Variants in LRRC28 observed in about 807,000 individuals in gnomAD.
LRRC28 encodes leucine-rich repeat-containing protein 28.
LRRC28 carries 39 observed loss-of-function variants against 45.7 expected under a neutral mutation model. That is an observed-to-expected ratio of 0.85 (90% CI 0.66 to 1.12). The LOEUF is 1.12. Ranked by LOEUF, LRRC28 falls within the 50% of genes most tolerant of loss-of-function variation. LRRC28 has a pLI of 0.00. For synonymous variants in LRRC28, 206 were observed against 178.8 expected (o/e 1.15, Z -1.22); for missense variants, 435 against 438.5 (o/e 0.99, Z 0.07).
intron 9 of LRRC28, among the ~76,000 whole-genome samples, chr15:99,378,881 G>C (rs1003027847): frequency 6.6e-6 from 1 of 152,132 alleles, no homozygotes; most frequent in Admixed American, 6.6e-5. Flanking sequence ...TGCATCCCAG[G>C]GATGAAGCCC....
At chr15:99,344,883 G>A (rs1956630333) in intron 6 of LRRC28, among the ~76,000 whole-genome samples, 1 of 152,152 alleles carries the variant, frequency 6.6e-6, no homozygotes, top group African/African-American at 2.4e-5. Context: ...AGAGGCCGCT[G>A]CCTCCAACTC....
rs188072143 is a variant in LRRC28, at chr15:99,374,168, C to G, written c.1031+10903C>G. On this transcript the variant is annotated intron_variant, in intron 9 of 9. Coordinates refer to ENST00000301981, the MANE Select transcript of LRRC28 (RefSeq NM_144598.5). ...GAGATTTTCATAAGAATTGCTTTAACTTTATAGATTAATTTGGAAACGGTT... is the reference window on the plus strand; with the variant it reads ...GAGATTTTCATAAGAATTGCTTTAAGTTTATAGATTAATTTGGAAACGGTT... Among the ~76,000 whole-genome samples, 4 of 152,122 alleles carry G rather than the reference C, an allele frequency of 2.6e-5. No homozygotes were observed. In the East Asian group the frequency reaches 7.7e-4, roughly 29 times the overall value.
At chr15:99,338,780 T>A (rs552473331) in intron 6 of LRRC28, among the ~76,000 whole-genome samples, 1 of 152,254 alleles carries the variant, frequency 6.6e-6, no homozygotes, top group Non-Finnish European at 1.5e-5. Flanking sequence ...AAATCACTTA[T>A]AATACTGTCT....
chr15:99,386,257 C>G lies in LRRC28; in HGVS notation c.*155C>G, dbSNP rs759702291. 24 of 617,544 alleles carry G rather than the reference C, an allele frequency of 3.9e-5. No individual in the cohort carries two copies. The highest frequency in any genetic ancestry group is 6.3e-5 in the Non-Finnish European group (22 of 348,336). 38.3% of individuals were successfully genotyped at this position (617,544 alleles called of 1,614,324 possible). A position where few individuals can be genotyped will look rare whatever the true frequency, so the allele number is the denominator to read the frequency against. Reference sequence around the variant, plus strand: ...GCTTCAGAGCTAAAATGCCTTCACCCTTCCCCCAAGTTGGAATATATCCTC... The same window carrying G: ...GCTTCAGAGCTAAAATGCCTTCACCGTTCCCCCAAGTTGGAATATATCCTC... On this transcript the variant is annotated 3_prime_UTR_variant, in exon 10 of 10. Transcript: ENST00000301981.
At chr15:99,276,731 T>C (rs2081627135) in intron 3 of LRRC28, 115 bp downstream of exon 3, 1 of 721,716 alleles carries the variant, frequency 1.4e-6, no homozygotes, top group Admixed American at 3.8e-5. Flanking sequence ...GGTATCATGA[T>C]CATGGTACTC....
At chr15:99,333,735 A>G in intron 5 of LRRC28, 188 bp from the exon 6 acceptor site, 1 of 626,572 alleles carries the variant, frequency 1.6e-6, no homozygotes, top group South Asian at 2.0e-5. Flanking sequence ...TTGGCAGGGT[A>G]ATTTAAAAAC....
chr15:99,284,523 CTG>C (rs2081903894), intron 3 of LRRC28: 2 of 456,104 alleles, frequency 4.4e-6, no homozygotes, highest in African/African-American at 4.0e-5. Flanking sequence ...CCTGCCACCA[CTG>C]TGCTTGGCTG....
rs1300616088 is a variant in LRRC28 at position 99,287,886 on chromosome 15, T to C, written c.320T>C (p.Ile107Thr). 5 of 1,613,736 alleles carry C rather than the reference T, an allele frequency of 3.1e-6. No individual in the cohort carries two copies. The highest frequency in any genetic ancestry group is 3.4e-6 in the Non-Finnish European group (4 of 1,179,868). The change falls in exon 5 of 10, where the codon ATT becomes ACT. Residue 107 changes from isoleucine (I) to threonine (T), a missense_variant. Physicochemically the swap from Ile to Thr is moderately conservative, Grantham distance 89. Coordinates refer to ENST00000301981, the MANE Select transcript of LRRC28 (RefSeq NM_144598.5). ...GCCTTAGAAATTGTTTGCCCAGAAA[T>C]TGGTCGTCTGAGAGCTTTACGTCAT... ...DNALEIVCPEIGRLRALRHLR... is the reference protein window; with the variant it reads ...DNALEIVCPETGRLRALRHLR...
chr15:99,278,572 G>C (rs879846153), intron 3 of LRRC28, among the ~76,000 whole-genome samples: 1 of 152,190 alleles, frequency 6.6e-6, no homozygotes, highest in Non-Finnish European at 1.5e-5. Flanking sequence ...ATCTTGCTGG[G>C]AATGCCTCTA....
At chr15:99,277,257 A>C (rs898859547) in intron 3 of LRRC28, among the ~76,000 whole-genome samples, 1 of 152,142 alleles carries the variant, frequency 6.6e-6, no homozygotes, top group Non-Finnish European at 1.5e-5. Context: ...GAGGTCAAGG[A>C]AGGAAAGCTA....
intron 5 of LRRC28, among the ~76,000 whole-genome samples, chr15:99,315,346 G>C (rs1010564058): frequency 1.3e-5 from 2 of 152,140 alleles, no homozygotes; most frequent in African/African-American, 4.8e-5. Flanking sequence ...TTGTTTCTGT[G>C]ATAGAAAGTT....
intron 5 of LRRC28, chr15:99,317,580 T>C (rs568451478): frequency 6.6e-6 from 1 of 152,342 alleles, no homozygotes; most frequent in East Asian, 1.9e-4. Context: ...ACATTTGGTT[T>C]TACTTAAAGT....
At chr15:99,365,616 A>G (rs1597441316) in intron 9 of LRRC28, among the ~76,000 whole-genome samples, 1 of 152,252 alleles carries the variant, frequency 6.6e-6, no homozygotes, top group South Asian at 2.1e-4. Context: ...CATAAACTCT[A>G]AAAGATCTTT....
intron 5 of LRRC28, among the ~76,000 whole-genome samples, chr15:99,294,603 T>A (rs920296118): frequency 2.6e-5 from 4 of 152,190 alleles, no homozygotes; most frequent in African/African-American, 9.7e-5. Flanking sequence ...TTCTGATTCA[T>A]AGATGACACT....
At chr15:99,375,560 T>G (rs932377677) in intron 9 of LRRC28, among the ~76,000 whole-genome samples, 2 of 152,214 alleles carry the variant, frequency 1.3e-5, no homozygotes, top group Non-Finnish European at 2.9e-5. Context: ...ATTTATCTTT[T>G]TACTCTTTGT....
chr15:99,387,156 G>GT lies in LRRC28; in HGVS notation c.*1056dup, dbSNP rs1395877479. On this transcript the variant is annotated 3_prime_UTR_variant, in exon 10 of 10. Transcript: ENST00000301981. ...GCTCACTGCAAGCTCCGCCTCCCGG[G>GT]TTCACGCCATTCTCCTGCCTCAGCC... is the stretch of plus-strand genomic sequence containing the variant. 6.7e-6 allele frequency: 1 copy of GT among 149,610 alleles called. No individual in the cohort carries two copies. The highest frequency in any genetic ancestry group is 1.5e-5 in the Non-Finnish European group (1 of 67,222). 9.3% of individuals were successfully genotyped at this position (149,610 alleles called of 1,614,324 possible).
chr15:99,362,991 C>T, intron 8 of LRRC28, 115 bp from the exon 9 acceptor site: 1 of 1,156,034 alleles, frequency 8.7e-7, no homozygotes, highest in Non-Finnish European at 1.2e-6. Flanking sequence ...ACAGAATTTT[C>T]AACATGAAGT....
At chr15:99,287,144 A>G (rs2081978908) in intron 3 of LRRC28, 113 bp from the exon 4 acceptor site, 9 of 833,244 alleles carry the variant, frequency 1.1e-5, no homozygotes, top group Non-Finnish European at 1.1e-5. Flanking sequence ...AGTAGGGTGC[A>G]AAAGTTGTGG....
At chr15:99,286,217 G>A (rs1175650333) in intron 3 of LRRC28, among the ~76,000 whole-genome samples, 6 of 152,060 alleles carry the variant, frequency 3.9e-5, no homozygotes, top group Admixed American at 2.6e-4. Flanking sequence ...TGCAACCTCC[G>A]CCTCCCAGGT....
Sources: gnomAD v4.1 joint callset for allele counts (sites outside exome capture counted in the v4.1 genomes callset) on GRCh38, gnomAD v4.1.1 for gene constraint, MANE v1.5 for transcripts, NCBI Gene and HGNC (gene_info 2026-07-23, HGNC 2026-07-21) for gene names.